TMF1: variants seen among roughly 807,000 people sequenced by gnomAD.
The protein encoded by TMF1 is TATA element modulatory factor.
A neutral mutation model predicts 126.5 loss-of-function variants in TMF1; 71 were observed. That is an observed-to-expected ratio of 0.56 (90% CI 0.46 to 0.68). The LOEUF is 0.68. Ranked by LOEUF, TMF1 falls within the 30% of genes least tolerant of loss-of-function variation. The probability of loss-of-function intolerance (pLI) is 0.00; values close to 1 mark genes in which losing one functional copy is unlikely to be tolerated. For missense variants in TMF1, 1,259 were observed against 1,253.2 expected (o/e 1.00, Z -0.07); for synonymous variants, 461 against 430.5 (o/e 1.07, Z -0.88).
At chr3:69,039,068 CTG>C (rs1314079515) in intron 6 of TMF1, 59 bp from the exon 7 acceptor site, 2 of 1,262,960 alleles carry the variant, frequency 1.6e-6, no homozygotes, top group Non-Finnish European at 2.1e-6. Context: ...TGGTAAATAA[CTG>C]TATTCCAGGA....
intron 10 of TMF1, 35 bp downstream of exon 10, chr3:69,033,513 G>A (rs1449354585): frequency 1.3e-6 from 2 of 1,584,076 alleles, no homozygotes; most frequent in East Asian, 2.2e-5. Context: ...AGATGGAAGA[G>A]CTTCTGCATC....
chr3:69,024,808 T>TC (rs1479611930), intron 15 of TMF1: 74 of 149,298 alleles, frequency 5.0e-4, no homozygotes, highest in African/African-American at 1.8e-3. Context: ...ATTTCTTTTT[T>TC]TTTTTTTTTT....
At position 69,021,170 on chromosome 3, in the gene TMF1, T is replaced by C. The variant is rs186177500; in HGVS notation, c.*2007A>G. 6.6e-6 allele frequency: 1 copy of C among 152,588 alleles called. No homozygotes were observed. The highest frequency in any genetic ancestry group is 1.9e-4 in the East Asian group (1 of 5,192). The allele number at this position is 152,588 out of a possible 1,614,324, so 9.5% of individuals were successfully genotyped here. On this transcript the variant is annotated 3_prime_UTR_variant, in exon 17 of 17. Transcript: ENST00000398559. ...TTACAGTGCACTGTTATAATTGTTC[T>C]ATTTGCAGTTATTGTTTATCTCTTG...
At chr3:69,036,189 GAT>G (rs1336951421) in intron 8 of TMF1, among the ~76,000 whole-genome samples, 1 of 151,872 alleles carries the variant, frequency 6.6e-6, no homozygotes, top group African/African-American at 2.4e-5. Flanking sequence ...TGATCATCAG[GAT>G]ATTTTACTAA....
intron 6 of TMF1, 100 bp from the exon 7 acceptor site, chr3:69,039,109 T>A (rs1338047797): frequency 6.9e-6 from 7 of 1,020,632 alleles, no homozygotes; most frequent in African/African-American, 1.7e-5. Context: ...AAATATATAT[T>A]TTTTTGAGAC....
Position 69,048,095 on chromosome 3 carries a change from T to C in TMF1, c.610A>G (p.Lys204Glu), listed in dbSNP as rs767475029. 9 of 1,614,222 alleles carry C rather than the reference T, an allele frequency of 5.6e-6. No individual in the cohort carries two copies. The Middle Eastern group carries it at 9.9e-4, about 178-fold the overall frequency. ...TTAGATATACTTTCCATAGTTGTTT[T>C]CACATCAATTACACTTTCAGATACT... The part of the protein sequence containing the change: ...LKVSESVIDV[K>E]TTMESISNTS... The change falls in exon 2 of 17, where the codon AAA becomes GAA. Residue 204 changes from lysine to glutamate, a missense_variant. Lys to Glu is a moderately conservative substitution (Grantham distance 56). Transcript: ENST00000398559.
chr3:69,034,821 T>A (rs1294350702), intron 9 of TMF1, among the ~76,000 whole-genome samples: 1 of 152,240 alleles, frequency 6.6e-6, no homozygotes, highest in Non-Finnish European at 1.5e-5. Context: ...CATTATTTTC[T>A]ATAAAACAAA....
At chr3:69,039,113 T>C in intron 6 of TMF1, 104 bp from the exon 7 acceptor site, 2 of 1,018,818 alleles carry the variant, frequency 2.0e-6, no homozygotes, top group Non-Finnish European at 2.7e-6. Flanking sequence ...ATATATTTTT[T>C]TGAGACAAAG....
rs1464766108 is a variant in TMF1 at position 69,035,119 on chromosome 3, T to C, written c.2152-4A>G. On this transcript the variant is annotated splice_region_variant and splice_polypyrimidine_tract_variant and intron_variant, in intron 8 of 16. Transcript: ENST00000398559. ...ATGCAAGCCTAAGGTCCCCCACCTG[T>C]AGGAGGAGAAACAATACATTCACAA... 3 of 1,612,430 alleles carry C rather than the reference T, an allele frequency of 1.9e-6. No homozygotes were observed. Among genetic ancestry groups the C allele is most frequent in the Admixed American group, 1.7e-5 (1 of 59,900 alleles).
rs373012784 is a variant in TMF1, at chr3:69,048,686, C to T, written c.143-124G>A. The T allele has an allele frequency of 1.0e-4, 93 of 911,186 alleles. 4 individuals are homozygous for T. In the South Asian group the frequency reaches 1.7e-3, roughly 17 times the overall value. The allele number at this position is 911,186 out of a possible 1,614,324, so 56.4% of individuals were successfully genotyped here. On this transcript the variant is annotated intron_variant, in intron 1 of 16. Transcript: ENST00000398559. ...TACCCTATGAAATACCTGTAATTTG[C>T]ACCTGCTAAACTCCTTGCTTACTAC... is the stretch of plus-strand genomic sequence containing the variant.
chr3:69,044,275 G>C (rs2091883239), intron 3 of TMF1, among the ~76,000 whole-genome samples: 1 of 152,158 alleles, frequency 6.6e-6, no homozygotes, highest in African/African-American at 2.4e-5. Context: ...CGAAAGGAAA[G>C]AGTTTTCCAG....
intron 11 of TMF1, among the ~76,000 whole-genome samples, chr3:69,029,326 C>T (rs2091786691): frequency 6.6e-6 from 1 of 152,088 alleles, no homozygotes; most frequent in Non-Finnish European, 1.5e-5. Context: ...AGCCACAGCA[C>T]CCGGCCATAA....
intron 8 of TMF1, among the ~76,000 whole-genome samples, chr3:69,037,735 G>C (rs1037285927): frequency 1.3e-5 from 2 of 152,088 alleles, no homozygotes; most frequent in African/African-American, 4.8e-5. Flanking sequence ...GAATCCGGGA[G>C]GCAGAGGTTG....
chr3:69,049,772 C>T (rs1378634105), intron 1 of TMF1, among the ~76,000 whole-genome samples: 1 of 152,082 alleles, frequency 6.6e-6, no homozygotes, highest in Non-Finnish European at 1.5e-5. Context: ...TTAAAAATGG[C>T]ATAATCAGGA....
chr3:69,042,855 C>T lies in TMF1; in HGVS notation c.1636G>A (p.Asp546Asn), dbSNP rs377392623. Residue 546 changes from aspartate (D) to asparagine (N), a missense_variant, in exon 5 of 17, where the codon GAC becomes AAC. By Grantham distance (23) the Asp-to-Asn change is conservative (BLOSUM62 1). Coordinates refer to ENST00000398559, the MANE Select transcript of TMF1 (RefSeq NM_007114.3). Reference sequence around the variant, plus strand: ...TGCTCATCTTTCTCTTTCAAAAGGTCTGCAGTTTCACTACTATTTAATCTA... The same window carrying T: ...TGCTCATCTTTCTCTTTCAAAAGGTTTGCAGTTTCACTACTATTTAATCTA... Reference protein sequence around the residue: ...ATRLNSSETADLLKEKDEQIR... With the variant: ...ATRLNSSETANLLKEKDEQIR... The T allele has an allele frequency of 6.2e-7, 1 of 1,613,714 alleles. No individual in the cohort carries two copies. The highest frequency in any genetic ancestry group is 8.5e-7 in the Non-Finnish European group (1 of 1,179,878).
chr3:69,048,360 T>C lies in TMF1; in HGVS notation c.345A>G (p.Val115=). Residue 115 remains valine, a synonymous_variant, in exon 2 of 17, where the codon GTA becomes GTG. Transcript: ENST00000398559. ...DVQTIQKSPV[V]SKPPAKSQRP... ...GTTGTGATTTTGCTGGAGGTTTTGA[T>C]ACCACTGGACTCTTCTGAATGGTCT... The C allele has an allele frequency of 2.5e-6, 4 of 1,614,158 alleles. No individual in the cohort carries two copies. Among genetic ancestry groups the C allele is most frequent in the Non-Finnish European group, 2.5e-6 (3 of 1,180,020 alleles).
At position 69,044,598 on chromosome 3, in the gene TMF1, G is replaced by T. The variant is rs2091885260; in HGVS notation, c.1348-3C>A. On this transcript the variant is annotated splice_polypyrimidine_tract_variant and splice_region_variant and intron_variant, in intron 2 of 16. Transcript: ENST00000398559. ...TTTTCATTCAGAAATTCAACTGTCTGGATAAGGCGAATACATAAAAGTCAG... is the reference window on the plus strand; with the variant it reads ...TTTTCATTCAGAAATTCAACTGTCTTGATAAGGCGAATACATAAAAGTCAG... 3 of 1,592,684 alleles carry T rather than the reference G, an allele frequency of 1.9e-6. No homozygotes were observed. The highest frequency in any genetic ancestry group is 2.6e-6 in the Non-Finnish European group (3 of 1,167,748).
At position 69,038,974 on chromosome 3, in the gene TMF1, A is replaced by G; in HGVS notation, c.1863T>C (p.His621=). ...LDGKEEVEKQ[H]RENIKKLNSM... ...AATTTAGTTTTTTAATATTTTCTCTATGTTGTTTCTCAACCTCTTCTTTGC... is the reference window on the plus strand; with the variant it reads ...AATTTAGTTTTTTAATATTTTCTCTGTGTTGTTTCTCAACCTCTTCTTTGC... Residue 621 remains histidine, a synonymous_variant, in exon 7 of 17, where the codon CAT becomes CAC. Transcript: ENST00000398559. 6.2e-7 allele frequency: 1 copy of G among 1,605,550 alleles called. No individual in the cohort carries two copies.
chr3:69,036,824 C>A (rs932491520), intron 8 of TMF1, among the ~76,000 whole-genome samples: 1 of 152,136 alleles, frequency 6.6e-6, no homozygotes, highest in African/African-American at 2.4e-5. Flanking sequence ...CTACAAAACT[C>A]TTAGAAGAAA....
Sources: allele counts gnomAD v4.1 joint callset (sites outside exome capture counted in the v4.1 genomes callset), GRCh38; gene constraint gnomAD v4.1.1; transcripts MANE v1.5; gene names NCBI Gene and HGNC (gene_info 2026-07-23, HGNC 2026-07-21).